The following PDE10A variants were observed in gnomAD, a reference collection of about 807,000 sequenced individuals.
The protein encoded by PDE10A is phosphodiesterase 10A.
Under a neutral mutation model 97.7 loss-of-function variants are expected in PDE10A, and 39 were observed. The ratio of observed to expected loss-of-function variants is 0.40; its 90% CI spans 0.31 to 0.52. The LOEUF (loss-of-function observed/expected upper bound fraction) is 0.52. Ranked by LOEUF, PDE10A falls within the 20% of genes least tolerant of loss-of-function variation. PDE10A has a pLI of 0.56. For synonymous variants in PDE10A, 371 were observed against 376.8 expected (o/e 0.98, Z 0.18); for missense variants, 731 against 1,047.8 (o/e 0.70, Z 4.17).
intron 3 of PDE10A, among the ~76,000 whole-genome samples, chr6:165,459,052 T>C (rs1778136678): frequency 6.6e-6 from 1 of 152,144 alleles, no homozygotes; most frequent in Non-Finnish European, 1.5e-5. Flanking sequence ...TTTTGAAGAA[T>C]ATAGGCCAAT....
chr6:165,920,364 C>T (rs781556273), intron 1 of PDE10A, among the ~76,000 whole-genome samples: 1 of 152,182 alleles, frequency 6.6e-6, no homozygotes, highest in African/African-American at 2.4e-5. Context: ...TGCCCTTACT[C>T]CTTCTTTCAA....
At chr6:165,472,437 T>TAATC (rs1779068137) in intron 3 of PDE10A, among the ~76,000 whole-genome samples, 2 of 152,270 alleles carry the variant, frequency 1.3e-5, no homozygotes, top group African/African-American at 4.8e-5. Flanking sequence ...TTTGTATTAT[T>TAATC]AATCAAGTCT....
At chr6:165,345,373 AAC>A (rs1782238435) in intron 18 of PDE10A, among the ~76,000 whole-genome samples, 1 of 152,236 alleles carries the variant, frequency 6.6e-6, no homozygotes, top group Non-Finnish European at 1.5e-5. Flanking sequence ...CAAAAAATAA[AAC>A]AGATTAGAAA....
intron 1 of PDE10A, among the ~76,000 whole-genome samples, chr6:165,795,812 A>G (rs77588356): frequency 0.011 from 1,713 of 151,614 alleles, 34 homozygotes; most frequent in African/African-American, 0.04. Flanking sequence ...TTTGTTCATC[A>G]CTCTCCTACC....
intron 1 of PDE10A, among the ~76,000 whole-genome samples, chr6:165,579,759 T>C (rs894935612): frequency 6.6e-6 from 1 of 152,220 alleles, no homozygotes; most frequent in Non-Finnish European, 1.5e-5. Context: ...AGTCCTTACA[T>C]GGCCTGTTCC....
chr6:165,829,757 C>G (rs1169982773), intron 1 of PDE10A, among the ~76,000 whole-genome samples: 1 of 152,210 alleles, frequency 6.6e-6, no homozygotes, highest in Non-Finnish European at 1.5e-5. Context: ...CCTGAGCCCT[C>G]TCCTGCTGGT....
chr6:165,918,202 C>T (rs1418547947), intron 1 of PDE10A, among the ~76,000 whole-genome samples: 1 of 152,034 alleles, frequency 6.6e-6, no homozygotes, highest in African/African-American at 2.4e-5. Context: ...TTTTAATAGA[C>T]TTTATTTTTT....
At chr6:165,817,344 G>A (rs1779446789) in intron 1 of PDE10A, among the ~76,000 whole-genome samples, 1 of 152,138 alleles carries the variant, frequency 6.6e-6, no homozygotes, top group Admixed American at 6.5e-5. Context: ...AGCTTCTACA[G>A]CAGCCCTGGC....
chr6:165,652,793 C>T (rs918304323), intron 1 of PDE10A, among the ~76,000 whole-genome samples: 6 of 152,210 alleles, frequency 3.9e-5, no homozygotes, highest in African/African-American at 1.4e-4. Flanking sequence ...TATTCAAACA[C>T]GTCAGCCCTT....
chr6:165,603,512 CA>C (rs1317031555), intron 1 of PDE10A, among the ~76,000 whole-genome samples: 1 of 152,208 alleles, frequency 6.6e-6, no homozygotes, highest in Non-Finnish European at 1.5e-5. Flanking sequence ...TTCTGAGTAA[CA>C]GAGGGAAGTC....
At chr6:165,603,651 T>A (rs1267385673) in intron 1 of PDE10A, among the ~76,000 whole-genome samples, 1 of 152,242 alleles carries the variant, frequency 6.6e-6, no homozygotes, top group Non-Finnish European at 1.5e-5. Flanking sequence ...CAGTGAGGAC[T>A]CTGGGGAGGG....
intron 3 of PDE10A, among the ~76,000 whole-genome samples, chr6:165,466,048 G>A (rs777836961): frequency 9.8e-4 from 149 of 152,316 alleles, no homozygotes; most frequent in African/African-American, 2.7e-3. Context: ...AATTCATGTC[G>A]AAGTAGAAAG....
intron 3 of PDE10A, among the ~76,000 whole-genome samples, chr6:165,450,858 C>T (rs1396090266): frequency 1.3e-5 from 2 of 152,176 alleles, no homozygotes; most frequent in South Asian, 2.1e-4. Flanking sequence ...CCACTGCACC[C>T]GGCCGACTTC....
At chr6:165,536,098 G>A (rs1443368778) in intron 2 of PDE10A, among the ~76,000 whole-genome samples, 3 of 151,990 alleles carry the variant, frequency 2.0e-5, no homozygotes, top group East Asian at 1.9e-4. Context: ...AAAACAGCAT[G>A]GTACTAGCAT....
chr6:165,642,220 T>C (rs1454755353), intron 1 of PDE10A, among the ~76,000 whole-genome samples: 1 of 152,176 alleles, frequency 6.6e-6, no homozygotes, highest in Non-Finnish European at 1.5e-5. Flanking sequence ...ACACAGTCTT[T>C]TCCTTCTCCT....
intron 1 of PDE10A, among the ~76,000 whole-genome samples, chr6:165,699,860 ATACT>A (rs893946472): frequency 2.0e-5 from 3 of 152,214 alleles, no homozygotes; most frequent in African/African-American, 7.2e-5. Context: ...ACAGCTGTAA[ATACT>A]TATATTAGTA....
chr6:165,838,657 T>C (rs1281038712), intron 1 of PDE10A, among the ~76,000 whole-genome samples: 1 of 152,260 alleles, frequency 6.6e-6, no homozygotes, highest in Non-Finnish European at 1.5e-5. Flanking sequence ...TTTTGTTGCA[T>C]TGGATGGGAG....
intron 1 of PDE10A, among the ~76,000 whole-genome samples, chr6:165,805,694 C>T (rs1003473133): frequency 5.3e-5 from 8 of 152,184 alleles, no homozygotes; most frequent in African/African-American, 1.9e-4. Context: ...CCCTCTGGAT[C>T]TCCCCAGTTC....
At chr6:165,584,384 G>C (rs1054603234) in intron 1 of PDE10A, among the ~76,000 whole-genome samples, 1 of 152,094 alleles carries the variant, frequency 6.6e-6, no homozygotes, top group Non-Finnish European at 1.5e-5. Flanking sequence ...CCTTTGATTT[G>C]GTACTTTCCC....
Sources: allele counts gnomAD v4.1 joint callset (sites outside exome capture counted in the v4.1 genomes callset), GRCh38; gene constraint gnomAD v4.1.1; transcripts MANE v1.5; gene names NCBI Gene and HGNC (gene_info 2026-07-23, HGNC 2026-07-21).